UGT1A6: variants seen among roughly 807,000 people sequenced by gnomAD.
UGT1A6 encodes the protein UDP glucuronosyltransferase family 1 member A6, also known as UDP-glucuronosyltransferase 1A6.
UGT1A6 carries 32 observed loss-of-function variants against 44.4 expected under a neutral mutation model. That is an observed-to-expected ratio of 0.72 (90% CI 0.54 to 0.97). The LOEUF (loss-of-function observed/expected upper bound fraction) is 0.97, where lower values mean the gene tolerates loss of function less well. Ranked by LOEUF, UGT1A6 falls within the 50% of genes least tolerant of loss-of-function variation. UGT1A6 has a pLI of 0.00. For synonymous variants in UGT1A6, 238 were observed against 248.5 expected (o/e 0.96, Z 0.40); for missense variants, 685 against 661.9 (o/e 1.03, Z -0.38).
chr2:233,722,521 T>G, intron 1 of UGT1A6, among the ~76,000 whole-genome samples: 1 of 152,232 alleles, frequency 6.6e-6, no homozygotes, highest in East Asian at 1.9e-4. Context: ...AGCTTATTTT[T>G]GCCTTAATGA....
intron 1 of UGT1A6, among the ~76,000 whole-genome samples, chr2:233,737,436 G>T (rs969816672): frequency 6.6e-6 from 1 of 152,186 alleles, no homozygotes; most frequent in African/African-American, 2.4e-5. Flanking sequence ...GGGTGGGAGT[G>T]TCCCGTTTTT....
At chr2:233,706,455 T>A (rs1417577264) in intron 1 of UGT1A6, among the ~76,000 whole-genome samples, 1 of 152,244 alleles carries the variant, frequency 6.6e-6, no homozygotes, top group East Asian at 1.9e-4. Context: ...AAATGACCAT[T>A]GAGGTTTCAC....
chr2:233,713,138 G>C (rs753871977), intron 1 of UGT1A6: 1 of 1,614,080 alleles, frequency 6.2e-7, no homozygotes, highest in African/African-American at 1.3e-5. Flanking sequence ...AGGCCTTGCG[G>C]GACCTCCATG....
intron 1 of UGT1A6, among the ~76,000 whole-genome samples, chr2:233,739,543 T>G (rs555327898): frequency 6.6e-6 from 1 of 152,334 alleles, no homozygotes; most frequent in South Asian, 2.1e-4. Context: ...TTTTGGAGCT[T>G]TAAGATTTAA....
intron 1 of UGT1A6, chr2:233,743,097 G>A: frequency 2.8e-6 from 1 of 351,688 alleles, no homozygotes; most frequent in Non-Finnish European, 5.6e-6. Flanking sequence ...AAATTCTTGG[G>A]TACAGCTGTT....
At chr2:233,742,842 A>G (rs1167043204) in intron 1 of UGT1A6, 1 of 158,994 alleles carries the variant, frequency 6.3e-6, no homozygotes, top group Non-Finnish European at 1.4e-5. Flanking sequence ...TACACACTAA[A>G]CAATAAAGTC....
Position 233,693,014 on chromosome 2 carries a change from C to A in UGT1A6, c.10C>A (p.Leu4Ile). 6.2e-7 allele frequency: 1 copy of A among 1,614,140 alleles called. No individual in the cohort carries two copies. The highest frequency in any genetic ancestry group is 1.1e-5 in the South Asian group (1 of 91,056). The part of the protein sequence containing the change: MAC[L>I]LRSFQRISAG... ...TTTAACTCTTTCCAGGATGGCCTGC[C>A]TCCTTCGCTCATTTCAGAGAATTTC... The change falls in exon 1 of 5, where the codon CTC becomes ATC. Residue 4 changes from leucine to isoleucine, a missense_variant. Leu to Ile is a conservative substitution (Grantham distance 5, BLOSUM62 2). Coordinates refer to ENST00000305139, the MANE Select transcript of UGT1A6 (RefSeq NM_001072.4).
intron 1 of UGT1A6, among the ~76,000 whole-genome samples, chr2:233,725,596 A>G (rs1198733285): frequency 6.6e-6 from 1 of 152,166 alleles, no homozygotes; most frequent in East Asian, 1.9e-4. Context: ...ACTATTTGAC[A>G]TAGTTTTTTC....
chr2:233,724,170 C>G (rs1159618034), intron 1 of UGT1A6, among the ~76,000 whole-genome samples: 4 of 122,852 alleles, frequency 3.3e-5, no homozygotes, highest in Admixed American at 7.6e-5. Flanking sequence ...GCTGACCCCC[C>G]CATCTCCCTC....
At chr2:233,714,443 C>T (rs1316145687) in intron 1 of UGT1A6, among the ~76,000 whole-genome samples, 1 of 152,048 alleles carries the variant, frequency 6.6e-6, no homozygotes, top group Non-Finnish European at 1.5e-5. Flanking sequence ...AGTTCAGTTT[C>T]CAGAGAGGGA....
intron 1 of UGT1A6, among the ~76,000 whole-genome samples, chr2:233,696,130 A>G (rs1401105954): frequency 6.6e-6 from 1 of 152,228 alleles, no homozygotes; most frequent in Non-Finnish European, 1.5e-5. Context: ...AACTGCCCCA[A>G]TATATCCCAT....
chr2:233,757,542 ATATATATATATATATATATG>A (rs1365992052), intron 1 of UGT1A6, among the ~76,000 whole-genome samples: 3 of 116,804 alleles, frequency 2.6e-5, no homozygotes, highest in East Asian at 2.1e-4. Context: ...AGGAATATAT[ATATATATATATATATATATG>A]TATATATGAT....
intron 1 of UGT1A6, among the ~76,000 whole-genome samples, chr2:233,709,459 C>T (rs2076078032): frequency 6.6e-6 from 1 of 152,164 alleles, no homozygotes; most frequent in African/African-American, 2.4e-5. Flanking sequence ...TTAAAGCAAT[C>T]ATTTTGGGGC....
Position 233,772,498 on chromosome 2 carries a change from A to G in UGT1A6, c.1538A>G (p.Tyr513Cys), listed in dbSNP as rs1575871592. The G allele has an allele frequency of 1.2e-6, 2 of 1,614,068 alleles. No homozygotes were observed. The highest frequency in any genetic ancestry group is 2.2e-5 in the East Asian group (1 of 44,892). ...ACCTTTAAATGTTGTGCTTATGGCT[A>G]CCGGAAATGCTTGGGGAAAAAAGGG... is the stretch of plus-strand genomic sequence containing the variant. Reference protein sequence around the residue: ...FITFKCCAYGYRKCLGKKGRV... With the variant: ...FITFKCCAYGCRKCLGKKGRV... Residue 513 changes from tyrosine (Y) to cysteine (C), a missense_variant, in exon 5 of 5, where the codon TAC (tyrosine) becomes TGC (cysteine). By Grantham distance (194) the Tyr-to-Cys change is radical (BLOSUM62 -2). Transcript: ENST00000305139.
chr2:233,738,751 A>G (rs1205771191), intron 1 of UGT1A6, among the ~76,000 whole-genome samples: 1 of 152,150 alleles, frequency 6.6e-6, no homozygotes, highest in Non-Finnish European at 1.5e-5. Context: ...ATGTGGTAGA[A>G]AAGAAAAACC....
chr2:233,750,986 G>T (rs1230774000), intron 1 of UGT1A6, among the ~76,000 whole-genome samples: 1 of 151,784 alleles, frequency 6.6e-6, no homozygotes, highest in Non-Finnish European at 1.5e-5. Flanking sequence ...TTGTGAGAAG[G>T]CGGCCACCAT....
At chr2:233,714,411 G>A (rs2076385776) in intron 1 of UGT1A6, among the ~76,000 whole-genome samples, 1 of 152,178 alleles carries the variant, frequency 6.6e-6, no homozygotes, top group African/African-American at 2.4e-5. Context: ...ATGGATGTCT[G>A]TGATCAGAGA....
At chr2:233,715,755 G>T (rs1575510895) in intron 1 of UGT1A6, among the ~76,000 whole-genome samples, 1 of 152,198 alleles carries the variant, frequency 6.6e-6, no homozygotes, top group Middle Eastern at 3.2e-3. Flanking sequence ...CTGAGTGACA[G>T]AGCGAGGACC....
intron 1 of UGT1A6, chr2:233,741,606 TTCAG>T (rs1691716014): frequency 1.3e-5 from 2 of 151,870 alleles, no homozygotes; most frequent in South Asian, 4.1e-4. Context: ...GATTTCAGAG[TTCAG>T]TGTCAGACCC....
Sources: allele counts gnomAD v4.1 joint callset (sites outside exome capture counted in the v4.1 genomes callset), GRCh38; gene constraint gnomAD v4.1.1; transcripts MANE v1.5; gene names NCBI Gene and HGNC (gene_info 2026-07-23, HGNC 2026-07-21).